Variants in MACROD2 observed in about 807,000 individuals in gnomAD.
MACROD2 encodes mono-ADP ribosylhydrolase 2, also known as ADP-ribose glycohydrolase MACROD2.
Under a neutral mutation model 70.4 loss-of-function variants are expected in MACROD2, and 36 were observed. The observed-to-expected ratio is 0.51, with a 90% confidence interval of 0.39 to 0.68. The LOEUF is 0.68. MACROD2 is among the 30% of genes least tolerant of loss of function. The pLI is 0.00. For synonymous variants in MACROD2, 172 were observed against 178.8 expected (o/e 0.96, Z 0.30); for missense variants, 496 against 538.4 (o/e 0.92, Z 0.78).
At chr20:15,977,709 C>T (rs2066329440) in intron 13 of MACROD2, among the ~76,000 whole-genome samples, 1 of 152,164 alleles carries the variant, frequency 6.6e-6, no homozygotes, top group Non-Finnish European at 1.5e-5. Flanking sequence ...GACACAACTA[C>T]ATCACGGTGT....
chr20:14,928,391 A>G (rs1049890532), intron 5 of MACROD2, among the ~76,000 whole-genome samples: 3 of 152,208 alleles, frequency 2.0e-5, no homozygotes, highest in African/African-American at 4.8e-5. Context: ...GATATAAATA[A>G]ACCATCAATT....
intron 6 of MACROD2, among the ~76,000 whole-genome samples, chr20:15,239,767 G>C (rs2077044647): frequency 6.6e-6 from 1 of 152,192 alleles, no homozygotes; most frequent in Non-Finnish European, 1.5e-5. Flanking sequence ...GAGAAAGAAA[G>C]AAATAGGTTA....
chr20:14,723,777 T>C (rs925327135), intron 5 of MACROD2, among the ~76,000 whole-genome samples: 3 of 151,954 alleles, frequency 2.0e-5, no homozygotes, highest in African/African-American at 7.3e-5. Flanking sequence ...TGTGGGCCAT[T>C]GTGACTCAGA....
At chr20:15,340,758 A>G (rs2021764) in intron 6 of MACROD2, among the ~76,000 whole-genome samples, 93,995 of 150,362 alleles carry the variant, frequency 0.63, 29,279 homozygotes, top group East Asian at 0.75. Context: ...TCTACACTCC[A>G]CCCCGCAAAC....
At chr20:14,371,504 A>G (rs1014774709) in intron 3 of MACROD2, among the ~76,000 whole-genome samples, 2 of 152,168 alleles carry the variant, frequency 1.3e-5, no homozygotes, top group Admixed American at 1.3e-4. Flanking sequence ...AACAAAAAAA[A>G]GAAGAAATAA....
At chr20:15,690,604 A>G (rs891277745) in intron 8 of MACROD2, among the ~76,000 whole-genome samples, 14 of 152,310 alleles carry the variant, frequency 9.2e-5, no homozygotes, top group Non-Finnish European at 1.5e-5. Flanking sequence ...GAATAAAAGC[A>G]CATAGAGAAT....
chr20:15,611,519 C>A (rs947586958), intron 8 of MACROD2, among the ~76,000 whole-genome samples: 2 of 152,076 alleles, frequency 1.3e-5, no homozygotes, highest in African/African-American at 4.8e-5. Context: ...CTAGTCTATT[C>A]TTCTACTTCC....
chr20:15,419,921 C>T (rs769670547), intron 6 of MACROD2, among the ~76,000 whole-genome samples: 1 of 152,130 alleles, frequency 6.6e-6, no homozygotes, highest in African/African-American at 2.4e-5. Flanking sequence ...ACTGATTTGC[C>T]GTTAATATGA....
intron 3 of MACROD2, among the ~76,000 whole-genome samples, chr20:14,215,337 TACACACACACACACACACAC>T (rs199684417): frequency 6.9e-5 from 9 of 131,044 alleles, no homozygotes; most frequent in Admixed American, 4.0e-4. Context: ...CCATCATATA[TACACACACACACACACACAC>T]ACACACACAC....
chr20:14,717,161 A>G (rs2071406120), intron 5 of MACROD2, among the ~76,000 whole-genome samples: 2 of 152,186 alleles, frequency 1.3e-5, no homozygotes, highest in South Asian at 2.1e-4. Flanking sequence ...CTGAAACATA[A>G]TAGTTAATTT....
chr20:14,986,093 T>C (rs1385789428), intron 5 of MACROD2, among the ~76,000 whole-genome samples: 1 of 152,232 alleles, frequency 6.6e-6, no homozygotes, highest in African/African-American at 2.4e-5. Context: ...GACATCATAG[T>C]TGGCATAGAA....
chr20:15,352,464 A>G (rs2146226368), intron 6 of MACROD2, among the ~76,000 whole-genome samples: 1 of 152,334 alleles, frequency 6.6e-6, no homozygotes, highest in Non-Finnish European at 1.5e-5. Context: ...TTCCAAAGAT[A>G]TCAGAAATAA....
chr20:15,651,650 C>A (rs6034246), intron 8 of MACROD2, among the ~76,000 whole-genome samples: 66 of 152,230 alleles, frequency 4.3e-4, no homozygotes, highest in African/African-American at 1.5e-3. Flanking sequence ...CGCTTTCAAT[C>A]CAATCATCCT....
chr20:14,444,540 T>C (rs1171181803), intron 3 of MACROD2, among the ~76,000 whole-genome samples: 1 of 152,052 alleles, frequency 6.6e-6, no homozygotes, highest in Non-Finnish European at 1.5e-5. Context: ...TCTGACTACA[T>C]TCACTCCCTA....
At chr20:14,442,984 C>T (rs763849820) in intron 3 of MACROD2, among the ~76,000 whole-genome samples, 14 of 151,442 alleles carry the variant, frequency 9.2e-5, no homozygotes, top group African/African-American at 2.7e-4. Flanking sequence ...GAGGCTGAGA[C>T]GGGAGAATGG....
intron 5 of MACROD2, among the ~76,000 whole-genome samples, chr20:15,019,008 C>G (rs1454076016): frequency 6.6e-6 from 1 of 152,066 alleles, no homozygotes; most frequent in Non-Finnish European, 1.5e-5. Flanking sequence ...CAAATTTAAC[C>G]TTTTTTCTTT....
chr20:14,276,292 C>T (rs2082255211), intron 3 of MACROD2, among the ~76,000 whole-genome samples: 5 of 150,122 alleles, frequency 3.3e-5, no homozygotes. Flanking sequence ...GAATACTATG[C>T]AGCCATAAAA....
At chr20:15,624,516 C>G (rs1002096204) in intron 8 of MACROD2, among the ~76,000 whole-genome samples, 3 of 152,180 alleles carry the variant, frequency 2.0e-5, no homozygotes, top group African/African-American at 7.2e-5. Context: ...TAGAACTGTG[C>G]TATATATTAT....
chr20:15,885,934 G>T, intron 10 of MACROD2, 123 bp downstream of exon 10: 2 of 1,100,962 alleles, frequency 1.8e-6, no homozygotes, highest in East Asian at 3.7e-5. Flanking sequence ...TATGCTCAGT[G>T]TTATAAAATT....
Sources: gnomAD v4.1 joint callset for allele counts (sites outside exome capture counted in the v4.1 genomes callset) on GRCh38, gnomAD v4.1.1 for gene constraint, MANE v1.5 for transcripts, NCBI Gene and HGNC (gene_info 2026-07-23, HGNC 2026-07-21) for gene names.